SORCS3: variants seen among roughly 807,000 people sequenced by gnomAD.
SORCS3 encodes the protein sortilin related VPS10 domain containing receptor 3.
SORCS3 carries 57 observed loss-of-function variants against 146.3 expected under a neutral mutation model. The observed-to-expected ratio is 0.39, with a 90% CI of 0.31 to 0.49. The LOEUF (loss-of-function observed/expected upper bound fraction) is 0.49. SORCS3 is among the 20% of genes least tolerant of loss of function. The pLI, the probability that SORCS3 is intolerant of heterozygous loss-of-function variation, is 0.92. For missense variants in SORCS3, 1,341 were observed against 1,575.5 expected, an observed-to-expected ratio of 0.85 and a Z score of 2.52; for synonymous variants, 653 against 618.5, an observed-to-expected ratio of 1.06 and a Z score of -0.83.
chr10:105,076,198 A>G (rs1435599158), intron 5 of SORCS3, among the ~76,000 whole-genome samples: 1 of 152,222 alleles, frequency 6.6e-6, no homozygotes, highest in African/African-American at 2.4e-5. Flanking sequence ...GCCCAAGGTA[A>G]CACAATTAAT....
chr10:105,033,018 C>T (rs1357304153), intron 4 of SORCS3, among the ~76,000 whole-genome samples: 1 of 152,022 alleles, frequency 6.6e-6, no homozygotes, highest in Non-Finnish European at 1.5e-5. Context: ...AATCTGATTG[C>T]AGAGGAAAAT....
chr10:105,128,834 G>A (rs1432270816), intron 7 of SORCS3, among the ~76,000 whole-genome samples: 1 of 152,132 alleles, frequency 6.6e-6, no homozygotes, highest in Non-Finnish European at 1.5e-5. Flanking sequence ...TAATCATTGT[G>A]TTTGTAGAGC....
intron 7 of SORCS3, among the ~76,000 whole-genome samples, chr10:105,120,057 A>G (rs1032071080): frequency 1.3e-5 from 2 of 152,150 alleles, no homozygotes; most frequent in Non-Finnish European, 2.9e-5. Context: ...TAGTTTCCAT[A>G]ATCCGCATGT....
chr10:105,141,724 G>T (rs1424385012), intron 8 of SORCS3, among the ~76,000 whole-genome samples: 1 of 152,112 alleles, frequency 6.6e-6, no homozygotes, highest in Non-Finnish European at 1.5e-5. Context: ...GCATCAGGTT[G>T]GTGCTCTTAG....
intron 1 of SORCS3, among the ~76,000 whole-genome samples, chr10:104,747,225 C>G (rs535755117): frequency 3.9e-5 from 6 of 152,216 alleles, no homozygotes; most frequent in East Asian, 3.8e-4. Context: ...TTAGCACAAA[C>G]CCAACTCTGC....
At position 104,820,213 on chromosome 10, in the gene SORCS3, C is replaced by T. The variant is rs142501463; in HGVS notation, c.628-22579C>T. Among the ~76,000 whole-genome samples, 1,248 of 152,130 alleles carry T rather than the reference C, an allele frequency of 8.2e-3. 10 individuals carry two copies. Among genetic ancestry groups the T allele is most frequent in the South Asian group, 0.022 (104 of 4,804 alleles). On this transcript the variant is annotated intron_variant, in intron 1 of 26. Coordinates refer to ENST00000369701, the MANE Select transcript of SORCS3 (RefSeq NM_014978.3). ...ATATTAGGTGCTGCCATTTACGTGT[C>T]GTGGGATTTTGCTTGGTTACCTAAT...
chr10:104,836,869 C>T (rs984865349), intron 1 of SORCS3, among the ~76,000 whole-genome samples: 1 of 152,024 alleles, frequency 6.6e-6, no homozygotes, highest in African/African-American at 2.4e-5. Flanking sequence ...TCTTTTCTAT[C>T]TACCCCTGTC....
intron 1 of SORCS3, among the ~76,000 whole-genome samples, chr10:104,723,772 G>A (rs1050598204): frequency 2.5e-4 from 38 of 152,262 alleles, no homozygotes; most frequent in South Asian, 8.3e-4. Flanking sequence ...TTTGAAGTCT[G>A]TTTTATCAGA....
intron 5 of SORCS3, among the ~76,000 whole-genome samples, chr10:105,047,675 A>G (rs2055383102): frequency 1.3e-5 from 2 of 152,094 alleles, no homozygotes; most frequent in South Asian, 2.1e-4. Flanking sequence ...TGTATCTGCT[A>G]TGATGCCTGG....
rs754006619 is a variant in SORCS3, at chr10:105,200,040, T to G, written c.2051T>G (p.Val684Gly). The change falls in exon 15 of 27, where the codon GTG (valine) becomes GGG (glycine). Residue 684 changes from valine to glycine, a missense_variant. Physicochemically the swap from Val to Gly is moderately radical, Grantham distance 109 (BLOSUM62 -3). Transcript: ENST00000369701. ...HFSLRSEWQL[V>G]KVDYKSIFSR... Reference sequence around the variant, plus strand: ...AGCCTCCGCTCCGAATGGCAATTGGTGAAAGTGGACTACAAATCTATCTTC... The same window carrying G: ...AGCCTCCGCTCCGAATGGCAATTGGGGAAAGTGGACTACAAATCTATCTTC... 2.5e-6 allele frequency: 4 copies of G among 1,613,606 alleles called. No individual in the cohort carries two copies. In the Admixed American group the frequency reaches 6.7e-5, roughly 27 times the overall value.
chr10:105,167,391 CT>C lies in SORCS3; in HGVS notation c.1901+47del, dbSNP rs755146961. 9.9e-6 allele frequency: 14 copies of C among 1,420,564 alleles called. No individual in the cohort carries two copies. The East Asian group carries it at 3.2e-4, about 32-fold the overall frequency. The allele number at this position is 1,420,564 out of a possible 1,614,324, so 88.0% of individuals were successfully genotyped here. A position where few individuals can be genotyped will look rare whatever the true frequency, so the allele number is the denominator to read the frequency against. ...ACCCTATTAATGAGCTAATGAGCAG[CT>C]TTTTAGTGGAGAGGATTGTGATGAG... On this transcript the variant is annotated intron_variant, in intron 13 of 26. Coordinates refer to ENST00000369701, the MANE Select transcript of SORCS3 (RefSeq NM_014978.3).
intron 1 of SORCS3, among the ~76,000 whole-genome samples, chr10:104,813,314 A>T (rs2017760396): frequency 6.6e-6 from 1 of 152,156 alleles, no homozygotes; most frequent in African/African-American, 2.4e-5. Context: ...TCACTTTATT[A>T]TTCTCTAATT....
intron 14 of SORCS3, among the ~76,000 whole-genome samples, chr10:105,183,835 AG>A (rs1354485183): frequency 6.6e-6 from 1 of 151,986 alleles, no homozygotes; most frequent in African/African-American, 2.4e-5. Flanking sequence ...GGAAGGAAAA[AG>A]CTTATTTTGA....
chr10:105,242,390 TTATA>T (rs1173121983), intron 20 of SORCS3, among the ~76,000 whole-genome samples: 1 of 111,622 alleles, frequency 9.0e-6, no homozygotes, highest in Admixed American at 1.2e-4. Flanking sequence ...TTATATATAT[TTATA>T]TATTTATACA....
chr10:104,950,222 A>T (rs975519657), intron 3 of SORCS3, among the ~76,000 whole-genome samples: 3 of 152,222 alleles, frequency 2.0e-5, no homozygotes, highest in African/African-American at 7.2e-5. Context: ...AAATAAAGCC[A>T]TGTGTGATCA....
chr10:105,125,539 A>T (rs531541239), intron 7 of SORCS3, among the ~76,000 whole-genome samples: 1 of 152,176 alleles, frequency 6.6e-6, no homozygotes, highest in African/African-American at 2.4e-5. Context: ...TCCTTAAACA[A>T]GAAATATTCA....
chr10:105,051,566 A>G (rs1391163367), intron 5 of SORCS3, among the ~76,000 whole-genome samples: 1 of 152,150 alleles, frequency 6.6e-6, no homozygotes, highest in Non-Finnish European at 1.5e-5. Context: ...TCCATGACAG[A>G]GCCAGAGTTA....
At chr10:104,760,039 A>G (rs992975306) in intron 1 of SORCS3, among the ~76,000 whole-genome samples, 1 of 152,268 alleles carries the variant, frequency 6.6e-6, no homozygotes, top group Non-Finnish European at 1.5e-5. Flanking sequence ...CTGAAAGAAC[A>G]GGAGTCGGTC....
intron 1 of SORCS3, among the ~76,000 whole-genome samples, chr10:104,713,126 TGC>T (rs1022911235): frequency 1.5e-3 from 25 of 16,530 alleles, no homozygotes; most frequent in East Asian, 0.015. Flanking sequence ...CAAGTGTGTG[TGC>T]GTGTGTGTGT....
Sources: gnomAD v4.1 joint callset for allele counts (sites outside exome capture counted in the v4.1 genomes callset) on GRCh38, gnomAD v4.1.1 for gene constraint, MANE v1.5 for transcripts, NCBI Gene and HGNC (gene_info 2026-07-23, HGNC 2026-07-21) for gene names.